Variants in EPM2A observed in about 807,000 individuals in gnomAD.
EPM2A encodes the protein laforin.
A neutral mutation model predicts 26.5 loss-of-function variants in EPM2A; 21 were observed. The ratio of observed to expected loss-of-function variants is 0.79; its 90% CI spans 0.56 to 1.14. The LOEUF (loss-of-function observed/expected upper bound fraction) is 1.14, where lower values mean the gene tolerates loss of function less well. EPM2A is among the 50% of genes most tolerant of loss of function. EPM2A has a pLI of 0.00. For missense variants in EPM2A, 458 were observed against 440.8 expected (o/e 1.04, Z -0.35); for synonymous variants, 217 against 177.6 (o/e 1.22, Z -1.76).
intron 2 of EPM2A, among the ~76,000 whole-genome samples, chr6:145,594,679 C>A (rs1343804467): frequency 6.6e-6 from 1 of 151,654 alleles, no homozygotes; most frequent in East Asian, 1.9e-4. Flanking sequence ...AAGAAATATT[C>A]CTAGAATTAG....
chr6:145,536,271 GTTTTTGT>G (rs1350081953), intron 2 of EPM2A, among the ~76,000 whole-genome samples: 2 of 46,498 alleles, frequency 4.3e-5, no homozygotes, highest in Non-Finnish European at 1.0e-4. Flanking sequence ...TTTTGTTTTT[GTTTTTGT>G]TTTGGTTTTT....
At chr6:145,519,283 T>C (rs1436161280) in intron 2 of EPM2A, among the ~76,000 whole-genome samples, 2 of 152,172 alleles carry the variant, frequency 1.3e-5, no homozygotes, top group Non-Finnish European at 2.9e-5. Context: ...AAACCTTCTC[T>C]ATTTGATGCA....
chr6:145,416,190 A>C (rs1041755781), intron 4 of EPM2A, among the ~76,000 whole-genome samples: 1 of 152,000 alleles, frequency 6.6e-6, no homozygotes, highest in Non-Finnish European at 1.5e-5. Context: ...TCTAAATAGA[A>C]GCATGAGTTT....
At chr6:145,554,676 A>G (rs1227411756) in intron 2 of EPM2A, among the ~76,000 whole-genome samples, 3 of 152,074 alleles carry the variant, frequency 2.0e-5, no homozygotes, top group Non-Finnish European at 4.4e-5. Flanking sequence ...AAGGCATCAC[A>G]AGGTGAGAGA....
chr6:145,621,089 C>T (rs1271455243), downstream of EPM2A, among the ~76,000 whole-genome samples: 1 of 152,184 alleles, frequency 6.6e-6, no homozygotes. Context: ...TGACCAACAT[C>T]TCCTCTTTCC....
At chr6:145,722,635 T>C (rs1776001836) in intron 1 of EPM2A, 1 of 359,278 alleles carries the variant, frequency 2.8e-6, no homozygotes, top group South Asian at 2.2e-5. Flanking sequence ...TTTACTCTGT[T>C]ATGGGTTGAG....
intron 2 of EPM2A, among the ~76,000 whole-genome samples, chr6:145,667,700 AAG>A (rs1395903981): frequency 7.0e-6 from 1 of 143,372 alleles, no homozygotes; most frequent in Non-Finnish European, 1.5e-5. Context: ...TGCTGCTATA[AAG>A]ACACATGCAC....
At chr6:145,717,206 C>T (rs1775679010) in intron 1 of EPM2A, among the ~76,000 whole-genome samples, 1 of 152,194 alleles carries the variant, frequency 6.6e-6, no homozygotes, top group East Asian at 1.9e-4. Flanking sequence ...AACATTGATG[C>T]AAAAATCTTC....
intron 2 of EPM2A, among the ~76,000 whole-genome samples, chr6:145,542,884 G>A (rs778431272): frequency 9.2e-5 from 14 of 152,064 alleles, no homozygotes; most frequent in African/African-American, 1.7e-4. Context: ...TCAGCCTCCC[G>A]CGTAGCTGGG....
chr6:145,589,910 A>G (rs1781248523), intron 2 of EPM2A, among the ~76,000 whole-genome samples: 1 of 151,958 alleles, frequency 6.6e-6, no homozygotes, highest in Admixed American at 6.6e-5. Flanking sequence ...AAGAAAAAAA[A>G]GAAAGAATAC....
rs1423211231 is a variant in EPM2A at position 145,626,792 on chromosome 6, G to A, written c.*624C>T. 4 of 985,920 alleles carry A rather than the reference G, an allele frequency of 4.1e-6. No individual in the cohort carries two copies. The highest frequency in any genetic ancestry group is 4.8e-6 in the Non-Finnish European group (4 of 830,344). 61.1% of individuals were successfully genotyped at this position (985,920 alleles called of 1,614,324 possible). Reference sequence around the variant, plus strand: ...ATTTTGAGGAAAAACAACAACAAATGAGAGATAATTCTACTTTAGTTGTTA... The same window carrying A: ...ATTTTGAGGAAAAACAACAACAAATAAGAGATAATTCTACTTTAGTTGTTA... On this transcript the variant is annotated 3_prime_UTR_variant, in exon 4 of 4. Coordinates refer to ENST00000367519, the MANE Select transcript of EPM2A (RefSeq NM_005670.4).
chr6:145,444,430 A>C (rs1118773), intron 4 of EPM2A, among the ~76,000 whole-genome samples: 97,816 of 152,092 alleles, frequency 0.64, 32,979 homozygotes, highest in East Asian at 0.86. Context: ...CCAACCTTGC[A>C]TACTGGGGAT....
At chr6:145,539,513 G>A (rs752434053) in intron 2 of EPM2A, among the ~76,000 whole-genome samples, 2 of 152,204 alleles carry the variant, frequency 1.3e-5, no homozygotes, top group South Asian at 4.1e-4. Flanking sequence ...GGTTGCACTG[G>A]AGAGGGAGAA....
intron 2 of EPM2A, among the ~76,000 whole-genome samples, chr6:145,674,189 C>T (rs746434390): frequency 1.3e-5 from 2 of 152,072 alleles, no homozygotes; most frequent in Non-Finnish European, 2.9e-5. Context: ...CTCCAACAGA[C>T]CTGAAGCTGA....
chr6:145,430,327 C>CGGT (rs1480564317), intron 4 of EPM2A, among the ~76,000 whole-genome samples: 5 of 152,068 alleles, frequency 3.3e-5, no homozygotes, highest in Non-Finnish European at 7.4e-5. Context: ...TGGCCCAGAG[C>CGGT]GGTGGCTCAC....
chr6:145,602,338 T>C (rs1209808128), intron 2 of EPM2A, among the ~76,000 whole-genome samples: 1 of 152,232 alleles, frequency 6.6e-6, no homozygotes, highest in Non-Finnish European at 1.5e-5. Context: ...TTATGAAGTG[T>C]ATATCTAATA....
intron 2 of EPM2A, among the ~76,000 whole-genome samples, chr6:145,558,883 CT>C (rs1197431131): frequency 6.6e-6 from 1 of 152,078 alleles, no homozygotes; most frequent in Non-Finnish European, 1.5e-5. Context: ...TGGACCATCC[CT>C]TTTCCCCACC....
At chr6:145,476,946 T>G (rs932240162) in intron 4 of EPM2A, among the ~76,000 whole-genome samples, 1 of 151,104 alleles carries the variant, frequency 6.6e-6, no homozygotes, top group Non-Finnish European at 1.5e-5. Context: ...ATAGCATAGA[T>G]CAGAGTAAAA....
At chr6:145,615,869 A>G (rs1051136443) in intron 2 of EPM2A, among the ~76,000 whole-genome samples, 4 of 152,158 alleles carry the variant, frequency 2.6e-5, no homozygotes, top group African/African-American at 9.7e-5. Context: ...ATTTCTAAGA[A>G]GCAAAGCATT....
Sources: allele counts gnomAD v4.1 joint callset (sites outside exome capture counted in the v4.1 genomes callset), GRCh38; gene constraint gnomAD v4.1.1; transcripts MANE v1.5; gene names NCBI Gene and HGNC (gene_info 2026-07-23, HGNC 2026-07-21).